The following IBTK variants were observed in gnomAD, a reference collection of about 807,000 sequenced individuals.
The protein encoded by IBTK is inhibitor of Bruton tyrosine kinase.
A neutral mutation model predicts 154.9 loss-of-function variants in IBTK; 83 were observed. That is an observed-to-expected ratio of 0.54 (90% confidence interval 0.45 to 0.64). The LOEUF is 0.64. Among genes scored for constraint, IBTK ranks in the 30% least tolerant of loss-of-function variants. IBTK has a pLI of 0.00. For missense variants in IBTK, 1,332 were observed against 1,584.6 expected, an observed-to-expected ratio of 0.84 and a Z score of 2.71; for synonymous variants, 515 against 536.1, an observed-to-expected ratio of 0.96 and a Z score of 0.54.
chr6:82,222,054 G>C (rs1044601003), intron 8 of IBTK, among the ~76,000 whole-genome samples: 1 of 152,130 alleles, frequency 6.6e-6, no homozygotes, highest in East Asian at 1.9e-4. Flanking sequence ...TGTAATTCCA[G>C]CTAATCGGGA....
chr6:82,202,500 A>C, intron 18 of IBTK, 28 bp downstream of exon 18: 1 of 1,188,548 alleles, frequency 8.4e-7, no homozygotes, highest in East Asian at 2.4e-5. Flanking sequence ...CTTTTGCAAC[A>C]ATCTTACAAC....
chr6:82,213,968 T>G (rs1202786390), intron 12 of IBTK, among the ~76,000 whole-genome samples: 8 of 152,006 alleles, frequency 5.3e-5, no homozygotes, highest in Non-Finnish European at 8.8e-5. Flanking sequence ...TTTTTTTTTT[T>G]TCTTTGAGAC....
chr6:82,174,843 A>G, intron 26 of IBTK: 1 of 387,188 alleles, frequency 2.6e-6, no homozygotes, highest in South Asian at 2.0e-5. Context: ...GAGATAACAA[A>G]AATCTGGTCT....
chr6:82,183,618 C>T (rs886643872), intron 25 of IBTK, among the ~76,000 whole-genome samples: 1 of 151,980 alleles, frequency 6.6e-6, no homozygotes, highest in Non-Finnish European at 1.5e-5. Flanking sequence ...AATTGACAAA[C>T]TGATTCTAAA....
intron 8 of IBTK, among the ~76,000 whole-genome samples, chr6:82,222,210 A>G (rs948059997): frequency 2.0e-5 from 3 of 152,048 alleles, no homozygotes; most frequent in Non-Finnish European, 4.4e-5. Flanking sequence ...AAAGAAGGTA[A>G]GTTTTTACAA....
intron 1 of IBTK, among the ~76,000 whole-genome samples, chr6:82,245,917 A>G (rs1031735820): frequency 1.4e-5 from 2 of 143,452 alleles, no homozygotes; most frequent in Non-Finnish European, 1.5e-5. Context: ...TGAGTAAAGC[A>G]AAACAAAATT....
chr6:82,183,722 G>C (rs946411310), intron 25 of IBTK, among the ~76,000 whole-genome samples: 9 of 152,148 alleles, frequency 5.9e-5, no homozygotes, highest in African/African-American at 1.9e-4. Context: ...ATGGTAATCA[G>C]GATAGTATAA....
chr6:82,223,236 T>C (rs756556803), intron 8 of IBTK, among the ~76,000 whole-genome samples: 7 of 152,286 alleles, frequency 4.6e-5, no homozygotes, highest in Non-Finnish European at 8.8e-5. Flanking sequence ...AATACCACTT[T>C]ACAATTTACA....
At chr6:82,173,890 A>C (rs966665875) in intron 26 of IBTK, among the ~76,000 whole-genome samples, 3 of 152,150 alleles carry the variant, frequency 2.0e-5, no homozygotes, top group African/African-American at 7.2e-5. Flanking sequence ...AAGACAGTAT[A>C]ACAAATTGAG....
chr6:82,173,684 T>TATATATAC (rs1554181580), intron 26 of IBTK: 12 of 220,766 alleles, frequency 5.4e-5, no homozygotes, highest in Admixed American at 1.2e-4. Flanking sequence ...AATATATATA[T>TATATATAC]ACACACACCA....
chr6:82,188,561 A>G (rs1434762850), intron 25 of IBTK, among the ~76,000 whole-genome samples: 2 of 152,152 alleles, frequency 1.3e-5, no homozygotes, highest in East Asian at 3.8e-4. Context: ...GGTATATACT[A>G]AAGAGTGAAA....
rs772887052 is a variant in IBTK, at chr6:82,172,370, T to A, written c.3930+10A>T. On this transcript the variant is annotated intron_variant, in intron 28 of 28. Coordinates refer to ENST00000306270, the MANE Select transcript of IBTK (RefSeq NM_015525.4). ...TCTCTAAATTAAACCCTACTAAGTA[T>A]GTTATTTACCTGAATCAGAGCCAAC... is the stretch of plus-strand genomic sequence containing the variant. 1 of 1,610,112 alleles carries A rather than the reference T, an allele frequency of 6.2e-7. No homozygotes were observed. The highest frequency in any genetic ancestry group is 8.5e-7 in the Non-Finnish European group (1 of 1,178,802).
intron 26 of IBTK, among the ~76,000 whole-genome samples, chr6:82,176,081 T>G (rs770379230): frequency 1.2e-4 from 19 of 152,034 alleles, no homozygotes; most frequent in African/African-American, 4.3e-4. Flanking sequence ...TATTGTCACA[T>G]TTACACTTTA....
intron 2 of IBTK, among the ~76,000 whole-genome samples, chr6:82,235,316 C>A (rs187892645): frequency 6.6e-6 from 1 of 152,268 alleles, no homozygotes; most frequent in Non-Finnish European, 1.5e-5. Context: ...CCACACTCTG[C>A]CGGGCGCAGT....
chr6:82,239,996 T>C, intron 2 of IBTK, among the ~76,000 whole-genome samples, 170 bp downstream of exon 2: 1 of 152,114 alleles, frequency 6.6e-6, no homozygotes, highest in East Asian at 1.9e-4. Flanking sequence ...AAAAGTTAAG[T>C]AAAAGGATAT....
intron 28 of IBTK, among the ~76,000 whole-genome samples, 186 bp from the exon 29 acceptor site, chr6:82,171,742 A>G (rs1767934418): frequency 6.6e-6 from 1 of 152,208 alleles, no homozygotes; most frequent in African/African-American, 2.4e-5. Flanking sequence ...AGAAAGCTTG[A>G]GGTGTGAGGT....
chr6:82,232,795 C>T, intron 3 of IBTK, among the ~76,000 whole-genome samples: 1 of 152,134 alleles, frequency 6.6e-6, no homozygotes. Flanking sequence ...GAGGGAGGAT[C>T]ACTGGAGTTC....
chr6:82,208,303 G>A (rs10943863), intron 16 of IBTK, among the ~76,000 whole-genome samples: 1 of 151,622 alleles, frequency 6.6e-6, no homozygotes, highest in Non-Finnish European at 1.5e-5. Context: ...ATACGACTGG[G>A]GGGGGAATTA....
intron 1 of IBTK, among the ~76,000 whole-genome samples, chr6:82,246,274 T>C (rs1771138720): frequency 6.6e-6 from 1 of 152,052 alleles, no homozygotes; most frequent in Non-Finnish European, 1.5e-5. Context: ...ACTCAAGCGA[T>C]TCTGCCTCAG....
Sources: allele counts gnomAD v4.1 joint callset (sites outside exome capture counted in the v4.1 genomes callset), GRCh38; gene constraint gnomAD v4.1.1; transcripts MANE v1.5; gene names NCBI Gene and HGNC (gene_info 2026-07-23, HGNC 2026-07-21).